The following ATRX variants were observed in gnomAD, a reference collection of about 807,000 sequenced individuals.
ATRX encodes the protein chromatin remodeler ATRX.
In ATRX, 12 loss-of-function variants were observed where a neutral mutation model predicts 172.6. That is an observed-to-expected ratio of 0.07 (90% CI 0.04 to 0.11). ATRX has a LOEUF of 0.11. Ranked by LOEUF, ATRX falls within the 10% of genes least tolerant of loss-of-function variation. The pLI is 1.00. For missense variants in ATRX, 1,368 were observed against 1,767.4 expected (o/e 0.77, Z 4.05); for synonymous variants, 674 against 594.7 (o/e 1.13, Z -1.94).
intron 1 of ATRX, among the ~76,000 whole-genome samples, chrX:77,770,126 G>A (rs1403259355): frequency 7.6e-5 from 8 of 105,303 alleles, no homozygotes; most frequent in African/African-American, 2.1e-4. Flanking sequence ...TTTTTGACAC[G>A]GAGTCTCACT....
intron 30 of ATRX, among the ~76,000 whole-genome samples, chrX:77,525,700 A>G (rs1345001046): frequency 8.9e-6 from 1 of 112,289 alleles, no homozygotes; most frequent in Non-Finnish European, 1.9e-5. Context: ...ACATTGGATA[A>G]TAACTTAGTC....
At chrX:77,689,308 G>T (rs188876791) in intron 6 of ATRX, among the ~76,000 whole-genome samples, 1 of 111,980 alleles carries the variant, frequency 8.9e-6, no homozygotes, top group South Asian at 3.7e-4. Context: ...ATACGGAACA[G>T]ATTCTTTTGC....
intron 30 of ATRX, among the ~76,000 whole-genome samples, chrX:77,527,713 A>G (rs911855334): frequency 4.5e-5 from 5 of 111,799 alleles, no homozygotes; most frequent in Admixed American, 9.4e-5. Context: ...CCCCATTTCC[A>G]TCGCACCTCA....
Position 77,508,196 on chromosome X carries a change from C to T in ATRX, c.*155G>A. ...AAATGTCAGGAAGAAATGGTATGCC[C>T]TATTTAAAAAAAAAAAAAGTAAAAC... On this transcript the variant is annotated 3_prime_UTR_variant, in exon 35 of 35. Transcript: ENST00000373344. 1 of 616,533 alleles carries T rather than the reference C, an allele frequency of 1.6e-6. No individual in the cohort carries two copies. The highest frequency in any genetic ancestry group is 3.1e-5 in the South Asian group (1 of 32,453). The allele number at this position is 616,533 out of a possible 1,213,427, so 50.8% of individuals were successfully genotyped here.
intron 1 of ATRX, among the ~76,000 whole-genome samples, chrX:77,750,804 T>G (rs2075273102): frequency 9.0e-6 from 1 of 111,076 alleles, no homozygotes; most frequent in South Asian, 3.8e-4. Flanking sequence ...ACTGTGTTAC[T>G]CTGCTGACAA....
chrX:77,546,391 C>A (rs1453264956), intron 30 of ATRX, among the ~76,000 whole-genome samples: 1 of 111,549 alleles, frequency 9.0e-6, no homozygotes, highest in Non-Finnish European at 1.9e-5. Context: ...TATACTACTA[C>A]ATACCTTGTA....
At chrX:77,778,934 T>C (rs1034211586) in intron 1 of ATRX, among the ~76,000 whole-genome samples, 1 of 107,913 alleles carries the variant, frequency 9.3e-6, no homozygotes, top group Admixed American at 1.0e-4. Context: ...ATCTCTCTTT[T>C]TTCTTTTTTT....
chrX:77,763,114 T>A (rs1303835488), intron 1 of ATRX, among the ~76,000 whole-genome samples: 1 of 109,867 alleles, frequency 9.1e-6, no homozygotes, highest in Non-Finnish European at 1.9e-5. Flanking sequence ...GGGGGTTTCG[T>A]TATTTTATAT....
chrX:77,651,425 C>T (rs1351251655), intron 15 of ATRX, among the ~76,000 whole-genome samples: 1 of 110,890 alleles, frequency 9.0e-6, no homozygotes, highest in Non-Finnish European at 1.9e-5. Context: ...TTTCTCTACC[C>T]AAAATACAAC....
At position 77,613,681 on chromosome X, in the gene ATRX, C is replaced by T. The variant is rs191280381; in HGVS notation, c.5566+2932G>A. Among the ~76,000 whole-genome samples the T allele has an allele frequency of 3.4e-3, 386 of 112,045 alleles. 3 individuals carry two copies. Among genetic ancestry groups the T allele is most frequent in the Middle Eastern group, 4.6e-3 (1 of 218 alleles). ...TCCTAGAACCAATCCCCCACATATACCAAGGGACAACTATATTCTGCATGT... is the reference window on the plus strand; with the variant it reads ...TCCTAGAACCAATCCCCCACATATATCAAGGGACAACTATATTCTGCATGT... On this transcript the variant is annotated intron_variant, in intron 22 of 34. Coordinates refer to ENST00000373344, the MANE Select transcript of ATRX (RefSeq NM_000489.6).
chrX:77,772,309 CAAAA>C (rs782216980), intron 1 of ATRX, among the ~76,000 whole-genome samples: 1 of 56,867 alleles, frequency 1.8e-5, no homozygotes, highest in Non-Finnish European at 3.4e-5. Context: ...GAATCCGTCT[CAAAA>C]AAAAAAAAAA....
chrX:77,692,846 A>AGTGTGT (rs3063059), intron 6 of ATRX, among the ~76,000 whole-genome samples: 5,744 of 81,965 alleles, frequency 0.07, 203 homozygotes, highest in East Asian at 0.16. Context: ...CCAATATTAG[A>AGTGTGT]GTGTGTGTGT....
Position 77,696,590 on chromosome X carries a change from C to G in ATRX, c.357G>C (p.Gln119His), listed in dbSNP as rs959739617. Residue 119 changes from glutamine (Q) to histidine (H), a missense_variant, in exon 5 of 35, where the codon CAG (glutamine) becomes CAC (histidine). Transcript: ENST00000373344. ...AACACACATTACCTTTTGGCAAGCTCTGCATAGTAATATCATTTTCTGAAT... is the reference window on the plus strand; with the variant it reads ...AACACACATTACCTTTTGGCAAGCTGTGCATAGTAATATCATTTTCTGAAT... ...NENSENDITMQSLPKGTVIVQ... is the reference protein window; with the variant it reads ...NENSENDITMHSLPKGTVIVQ... 1 of 1,205,706 alleles carries G rather than the reference C, an allele frequency of 8.3e-7. No homozygotes were observed. The highest frequency in any genetic ancestry group is 1.7e-5 in the African/African-American group (1 of 57,180).
chrX:77,638,246 G>A (rs1463993721), intron 15 of ATRX, among the ~76,000 whole-genome samples: 1 of 112,157 alleles, frequency 8.9e-6, no homozygotes, highest in African/African-American at 3.2e-5. Context: ...GGTGGATCAT[G>A]AGGTCAGGAG....
Position 77,682,421 on chromosome X carries a change from C to G in ATRX, c.2835G>C (p.Lys945Asn), listed in dbSNP as rs2148587731. 10 of 1,211,341 alleles carry G rather than the reference C, an allele frequency of 8.3e-6. No individual in the cohort carries two copies. The highest frequency in any genetic ancestry group is 1.1e-5 in the Non-Finnish European group (10 of 895,339). The change falls in exon 9 of 35, where the codon AAG (lysine) becomes AAC (asparagine). Residue 945 changes from lysine to asparagine, a missense_variant. This residue lies in a region of ATRX where 843 missense variants were observed against 643.1 expected (regional missense o/e 1.31). Coordinates refer to ENST00000373344, the MANE Select transcript of ATRX (RefSeq NM_000489.6). Reference sequence around the variant, plus strand: ...ATGTTTTGGTTTTGAGATGCTTGCTCTTTTCTTTAGTTTCAGCAACTTTTC... The same window carrying G: ...ATGTTTTGGTTTTGAGATGCTTGCTGTTTTCTTTAGTTTCAGCAACTTTTC... Reference protein sequence around the residue: ...EVRKVAETKEKSKHLKTKTCK... With the variant: ...EVRKVAETKENSKHLKTKTCK...
chrX:77,556,252 AG>A (rs2064785767), intron 30 of ATRX, among the ~76,000 whole-genome samples: 1 of 18,298 alleles, frequency 5.5e-5, no homozygotes, highest in African/African-American at 2.5e-4. Flanking sequence ...AGAGGGAGAG[AG>A]GGAGAGAGGG....
intron 1 of ATRX, among the ~76,000 whole-genome samples, chrX:77,739,157 G>A (rs2074739626): frequency 9.1e-6 from 1 of 109,854 alleles, no homozygotes; most frequent in African/African-American, 3.3e-5. Flanking sequence ...TTCCCTCTGA[G>A]TCCCCAAAAG....
intron 22 of ATRX, among the ~76,000 whole-genome samples, chrX:77,610,103 AT>A (rs1268126913): frequency 8.9e-6 from 1 of 111,781 alleles, no homozygotes; most frequent in Admixed American, 9.5e-5. Flanking sequence ...TACCCCATAA[AT>A]ATATATACCT....
chrX:77,591,699 AGGCCTATGCTTTGACC>A (rs2066263068), intron 26 of ATRX, among the ~76,000 whole-genome samples: 1 of 112,267 alleles, frequency 8.9e-6, no homozygotes, highest in African/African-American at 3.2e-5. Flanking sequence ...CAAATGACCA[AGGCCTATGCTTTGACC>A]CCTCAGTAGT....
Sources: allele counts gnomAD v4.1 joint callset (sites outside exome capture counted in the v4.1 genomes callset), GRCh38; gene constraint gnomAD v4.1.1; regional missense constraint gnomAD v4.1.1; transcripts MANE v1.5; gene names NCBI Gene and HGNC (gene_info 2026-07-23, HGNC 2026-07-21).